The following UGGT2 variants were observed in gnomAD, a reference collection of about 807,000 sequenced individuals.
UGGT2 encodes UDP-glucose:glycoprotein glucosyltransferase 2.
In UGGT2, 180 loss-of-function variants were observed where a neutral mutation model predicts 192.1. That is an observed-to-expected ratio of 0.94 (90% confidence interval 0.83 to 1.06). The LOEUF is 1.06. UGGT2 is among the 50% of genes least tolerant of loss of function. The pLI, the probability that UGGT2 is intolerant of heterozygous loss-of-function variation, is 0.00. For missense variants in UGGT2, 1,849 were observed against 1,795.7 expected, an observed-to-expected ratio of 1.03 and a Z score of -0.54; for synonymous variants, 580 against 591.0, an observed-to-expected ratio of 0.98 and a Z score of 0.27.
chr13:95,854,788 C>T (rs1159393302), intron 34 of UGGT2, among the ~76,000 whole-genome samples: 5 of 151,960 alleles, frequency 3.3e-5, no homozygotes, highest in Non-Finnish European at 5.9e-5. Context: ...TTAAATATTA[C>T]GTAAGTGCAG....
chr13:95,985,397 T>C (rs2051259142), intron 9 of UGGT2: 2 of 561,934 alleles, frequency 3.6e-6, no homozygotes, highest in South Asian at 2.1e-5. Context: ...CCTTGGTATC[T>C]TGTAGCCAAC....
At chr13:96,037,119 T>A (rs138279660) in intron 1 of UGGT2, among the ~76,000 whole-genome samples, 1 of 152,198 alleles carries the variant, frequency 6.6e-6, no homozygotes, top group African/African-American at 2.4e-5. Flanking sequence ...AAAAATATTT[T>A]CAGTCAGATC....
At chr13:95,904,917 G>A (rs1404216480) in intron 20 of UGGT2, among the ~76,000 whole-genome samples, 1 of 151,612 alleles carries the variant, frequency 6.6e-6, no homozygotes, top group East Asian at 2.0e-4. Flanking sequence ...CACCAACAGT[G>A]TAAAAGTGTT....
chr13:95,924,391 AGCT>A (rs2048946766), intron 20 of UGGT2, among the ~76,000 whole-genome samples: 3 of 65,510 alleles, frequency 4.6e-5, no homozygotes, highest in Non-Finnish European at 1.0e-4. Flanking sequence ...GATCCCAAAC[AGCT>A]TTTTTTTTTT....
rs144199726 is a variant in UGGT2 at position 95,962,620 on chromosome 13, A to G, written c.1335+7492T>C. 2.3e-3 allele frequency among the ~76,000 whole-genome samples: 345 copies of G among 152,302 alleles called. 4 individuals carry two copies. The highest frequency in any genetic ancestry group is 7.9e-3 in the African/African-American group (328 of 41,566). The stretch of plus-strand genomic sequence containing the variant: ...ACTACCTAATTCTACCAAACTTTCA[A>G]AAAAGAACACAAATTCTCCTCAAAT... On this transcript the variant is annotated intron_variant, in intron 12 of 38. Transcript: ENST00000376747.
intron 4 of UGGT2, among the ~76,000 whole-genome samples, chr13:96,019,412 C>A (rs1333879571): frequency 2.0e-5 from 3 of 152,148 alleles, no homozygotes; most frequent in Admixed American, 6.5e-5. Context: ...GGAAACCCAT[C>A]ATTTAATAAC....
At chr13:95,849,192 T>TA (rs1422060919) in intron 36 of UGGT2, among the ~76,000 whole-genome samples, 1 of 152,036 alleles carries the variant, frequency 6.6e-6, no homozygotes, top group African/African-American at 2.4e-5. Flanking sequence ...AATACAACCC[T>TA]AAAAATGTAT....
Position 95,983,707 on chromosome 13 carries a change from A to C in UGGT2, c.1092+97T>G, listed in dbSNP as rs567446394. 4.2e-6 allele frequency: 4 copies of C among 949,396 alleles called. No individual in the cohort carries two copies. The Admixed American group carries it at 1.1e-4, about 27-fold the overall frequency. 58.8% of individuals were successfully genotyped at this position (949,396 alleles called of 1,614,324 possible). A position where few individuals can be genotyped will look rare whatever the true frequency, so the allele number is the denominator to read the frequency against. On this transcript the variant is annotated intron_variant, in intron 10 of 38. Coordinates refer to ENST00000376747, the MANE Select transcript of UGGT2 (RefSeq NM_020121.4). ...CTGTTTTAATAATCAAAAAAGCACAAATTACTATTTCCTTTTTTGTATGAA... is the reference window on the plus strand; with the variant it reads ...CTGTTTTAATAATCAAAAAAGCACACATTACTATTTCCTTTTTTGTATGAA...
At position 95,854,297 on chromosome 13, in the gene UGGT2, G is replaced by A. The variant is rs1198326638; in HGVS notation, c.4169+18C>T. ...ACATTACTTATTTACTAAATGGTAA[G>A]GGTCTGACTTTTCTTACCTGATATG... is the stretch of plus-strand genomic sequence containing the variant. On this transcript the variant is annotated intron_variant, in intron 35 of 38. Transcript: ENST00000376747. The A allele has an allele frequency of 6.2e-7, 1 of 1,601,136 alleles. No individual in the cohort carries two copies. The highest frequency in any genetic ancestry group is 1.3e-5 in the African/African-American group (1 of 74,172).
rs59757283 is a variant in UGGT2 at position 95,924,393 on chromosome 13, C to CTTTTTTTTTTTTTTTTTTT, written c.2295+1268_2295+1286dup. Among the ~76,000 whole-genome samples the CTTTTTTTTTTTTTTTTTTT allele has an allele frequency of 5.4e-4, 34 of 63,360 alleles. 1 individual carries two copies. The highest frequency in any genetic ancestry group is 3.3e-3 in the East Asian group (6 of 1,824). The allele number at this position is 63,360 out of a possible 152,430, so 41.6% of individuals were successfully genotyped here. ...AATAGATGTAATAGATCCCAAACAG[C>CTTTTTTTTTTTTTTTTTTT]TTTTTTTTTTTTTTTTTTTTTTTTT... On this transcript the variant is annotated intron_variant, in intron 20 of 38. Coordinates refer to ENST00000376747, the MANE Select transcript of UGGT2 (RefSeq NM_020121.4).
rs780163065 is a variant in UGGT2, at chr13:95,996,142, T to A, written c.758-7A>T. The A allele has an allele frequency of 4.5e-5, 72 of 1,602,148 alleles. No individual in the cohort carries two copies. Among genetic ancestry groups the A allele is most frequent in the Non-Finnish European group, 5.9e-5 (69 of 1,176,852 alleles). The stretch of plus-strand genomic sequence containing the variant: ...ACAGTAGTATTAGTCACAGCTACAT[T>A]TTGGAAACAAAACCAAAAAACAACA... On this transcript the variant is annotated splice_polypyrimidine_tract_variant and splice_region_variant and intron_variant, in intron 6 of 38. Coordinates refer to ENST00000376747, the MANE Select transcript of UGGT2 (RefSeq NM_020121.4).
chr13:95,853,050 A>C (rs1419056221), intron 36 of UGGT2, among the ~76,000 whole-genome samples: 1 of 152,054 alleles, frequency 6.6e-6, no homozygotes, highest in Non-Finnish European at 1.5e-5. Flanking sequence ...CTTGACAGTG[A>C]GTGGGTTCTC....
At chr13:95,870,677 A>T (rs1487709888) in intron 29 of UGGT2, among the ~76,000 whole-genome samples, 1 of 152,186 alleles carries the variant, frequency 6.6e-6, no homozygotes, top group Non-Finnish European at 1.5e-5. Flanking sequence ...GTCCTTCCCA[A>T]TACGATGTAA....
intron 36 of UGGT2, among the ~76,000 whole-genome samples, chr13:95,840,604 G>A (rs1887760381): frequency 1.3e-5 from 2 of 152,142 alleles, no homozygotes; most frequent in African/African-American, 2.4e-5. Flanking sequence ...CTGCTGGTGG[G>A]AGTGTACATT....
chr13:95,841,470 G>A (rs1162459603), intron 36 of UGGT2, among the ~76,000 whole-genome samples: 4 of 152,166 alleles, frequency 2.6e-5, no homozygotes, highest in African/African-American at 9.7e-5. Context: ...AGCAGTGAGG[G>A]AGGAAGAGGT....
intron 27 of UGGT2, among the ~76,000 whole-genome samples, chr13:95,878,259 T>C (rs2047396580): frequency 6.6e-6 from 1 of 152,084 alleles, no homozygotes. Context: ...TTAATGTCTA[T>C]AATCAACTAA....
intron 10 of UGGT2, among the ~76,000 whole-genome samples, chr13:95,978,854 G>GA (rs1221332087): frequency 6.6e-6 from 1 of 152,186 alleles, no homozygotes; most frequent in East Asian, 1.9e-4. Context: ...GTAGTTTTGA[G>GA]AGATGATGTT....
At chr13:95,864,635 T>C (rs1014454197) in intron 30 of UGGT2, among the ~76,000 whole-genome samples, 3 of 152,226 alleles carry the variant, frequency 2.0e-5, no homozygotes, top group Non-Finnish European at 2.9e-5. Context: ...TACAAATATG[T>C]CTTCTTTATC....
Position 95,859,597 on chromosome 13 carries a change from T to A in UGGT2, c.3819A>T (p.Thr1273=), listed in dbSNP as rs1346236658. 6.2e-7 allele frequency: 1 copy of A among 1,608,544 alleles called. No individual in the cohort carries two copies. The highest frequency in any genetic ancestry group is 8.5e-7 in the Non-Finnish European group (1 of 1,177,106). The change falls in exon 33 of 39, where the codon ACA becomes ACT. Residue 1273 remains threonine (T), a synonymous_variant. Coordinates refer to ENST00000376747, the MANE Select transcript of UGGT2 (RefSeq NM_020121.4). ...FWLLKNYLSP[T]FKEVIPHMAK... The stretch of plus-strand genomic sequence containing the variant: ...AAAAAAGCTATGTACTTACTTTAAA[T>A]GTCGGTGAGAGATAATTTTTTAGCA...
Sources: gnomAD v4.1 joint callset for allele counts (sites outside exome capture counted in the v4.1 genomes callset) on GRCh38, gnomAD v4.1.1 for gene constraint, MANE v1.5 for transcripts, NCBI Gene and HGNC (gene_info 2026-07-23, HGNC 2026-07-21) for gene names.